Variants in TBC1D12 observed in about 807,000 individuals in gnomAD.
The protein encoded by TBC1D12 is TBC1 domain family, member 12.
In TBC1D12, 56 loss-of-function variants were observed where a neutral mutation model predicts 86.7. The ratio of observed to expected loss-of-function variants is 0.65; its 90% confidence interval spans 0.52 to 0.81. The LOEUF (loss-of-function observed/expected upper bound fraction) is 0.81. Among genes scored for constraint, TBC1D12 ranks in the 30% least tolerant of loss-of-function variants. TBC1D12 has a pLI of 0.00. For missense variants in TBC1D12, 1,023 were observed against 1,038.8 expected (o/e 0.98, Z 0.21); for synonymous variants, 421 against 411.7 (o/e 1.02, Z -0.27).
intron 2 of TBC1D12, among the ~76,000 whole-genome samples, chr10:94,442,701 G>T (rs562878472): frequency 6.6e-6 from 1 of 152,126 alleles, no homozygotes; most frequent in Non-Finnish European, 1.5e-5. Context: ...AGAAGTTATT[G>T]CTCAGAAGAA....
intron 6 of TBC1D12, among the ~76,000 whole-genome samples, chr10:94,504,500 T>G (rs7087798): frequency 0.69 from 104,656 of 152,060 alleles, 36,717 homozygotes; most frequent in East Asian, 0.83. Context: ...TTGGATTGAA[T>G]TACATTTATT....
At chr10:94,472,204 G>C (rs1378469009) in intron 2 of TBC1D12, among the ~76,000 whole-genome samples, 2 of 152,126 alleles carry the variant, frequency 1.3e-5, no homozygotes, top group African/African-American at 4.8e-5. Context: ...AGGAGTTCAA[G>C]AACAGCCTTG....
chr10:94,495,484 A>G (rs2056303578), intron 4 of TBC1D12, among the ~76,000 whole-genome samples: 1 of 152,180 alleles, frequency 6.6e-6, no homozygotes, highest in South Asian at 2.1e-4. Flanking sequence ...TTAAGTTTTT[A>G]TTAATTTTAA....
At chr10:94,447,070 A>C (rs560071061) in intron 2 of TBC1D12, among the ~76,000 whole-genome samples, 26 of 151,876 alleles carry the variant, frequency 1.7e-4, no homozygotes, top group South Asian at 8.3e-4. Flanking sequence ...AAAAAAAAAA[A>C]AAAAAACCTT....
intron 2 of TBC1D12, among the ~76,000 whole-genome samples, chr10:94,447,111 C>T (rs11187954): frequency 0.024 from 3,535 of 147,786 alleles, 136 homozygotes; most frequent in African/African-American, 0.08. Context: ...ACAAATAACA[C>T]ATGATTATAT....
intron 2 of TBC1D12, among the ~76,000 whole-genome samples, chr10:94,457,768 C>T (rs1014039653): frequency 1.3e-5 from 2 of 152,050 alleles, no homozygotes; most frequent in Admixed American, 1.3e-4. Flanking sequence ...CCATTTTCTC[C>T]CATTTCTTAG....
intron 1 of TBC1D12, among the ~76,000 whole-genome samples, chr10:94,441,040 G>A (rs1195241193): frequency 6.6e-6 from 1 of 151,990 alleles, no homozygotes; most frequent in Non-Finnish European, 1.5e-5. Context: ...AGTAGAGACA[G>A]GGTTTCACCA....
chr10:94,463,770 G>T (rs1383598047), intron 2 of TBC1D12, among the ~76,000 whole-genome samples: 1 of 152,194 alleles, frequency 6.6e-6, no homozygotes, highest in African/African-American at 2.4e-5. Flanking sequence ...TTTTGCAGAT[G>T]TTGAATGAAA....
intron 1 of TBC1D12, among the ~76,000 whole-genome samples, chr10:94,409,559 A>G (rs377556827): frequency 2.6e-5 from 4 of 152,028 alleles, no homozygotes; most frequent in East Asian, 3.9e-4. Context: ...TATTTTTTAT[A>G]GAGACAGGGT....
chr10:94,467,648 TC>T (rs1032706889), intron 2 of TBC1D12, among the ~76,000 whole-genome samples: 77 of 127,206 alleles, frequency 6.1e-4, no homozygotes, highest in Non-Finnish European at 1.2e-3. Flanking sequence ...ATCTGGCCAC[TC>T]CCCCTCTTTT....
chr10:94,440,183 T>C (rs2055359158), intron 1 of TBC1D12, among the ~76,000 whole-genome samples: 1 of 152,098 alleles, frequency 6.6e-6, no homozygotes, highest in Non-Finnish European at 1.5e-5. Flanking sequence ...TTCTTTTTTT[T>C]TTTGGAGGCA....
At chr10:94,521,244 AAAAAC>A (rs1253817009) in intron 9 of TBC1D12, among the ~76,000 whole-genome samples, 1 of 151,594 alleles carries the variant, frequency 6.6e-6, no homozygotes, top group Non-Finnish European at 1.5e-5. Context: ...AAAACAAAAA[AAAAAC>A]AGGAGAAGAA....
intron 9 of TBC1D12, among the ~76,000 whole-genome samples, chr10:94,513,127 A>G (rs1215065068): frequency 6.6e-6 from 1 of 151,972 alleles, no homozygotes; most frequent in Admixed American, 6.6e-5. Flanking sequence ...CGCGCCTGTT[A>G]TCCCAGCTAC....
intron 3 of TBC1D12, among the ~76,000 whole-genome samples, chr10:94,476,241 G>A (rs972451939): frequency 6.6e-6 from 1 of 151,806 alleles, no homozygotes; most frequent in Admixed American, 6.6e-5. Context: ...CCAAATAGAA[G>A]AGCATAGAAT....
Position 94,532,989 on chromosome 10 carries a change from A to G in TBC1D12, c.2260-39A>G, listed in dbSNP as rs368337599. The G allele has an allele frequency of 4.2e-5, 49 of 1,154,512 alleles. No homozygotes were observed. In the African/African-American group the frequency reaches 6.6e-4, roughly 15 times the overall value. The allele number at this position is 1,154,512 out of a possible 1,614,324, so 71.5% of individuals were successfully genotyped here. A position where few individuals can be genotyped will look rare whatever the true frequency, so the allele number is the denominator to read the frequency against. ...TTTAAATCTCTTTAATCTGGGTGGT[A>G]GTTTTTGAGGATTAATCTTTATTTT... On this transcript the variant is annotated intron_variant, in intron 12 of 12. Coordinates refer to ENST00000225235, the MANE Select transcript of TBC1D12 (RefSeq NM_015188.2).
intron 5 of TBC1D12, among the ~76,000 whole-genome samples, chr10:94,499,987 AT>A (rs977358183): frequency 6.6e-6 from 1 of 152,180 alleles, no homozygotes; most frequent in African/African-American, 2.4e-5. Flanking sequence ...ATTGACATTT[AT>A]AAAACGCAGT....
In TBC1D12 at chr10:94,479,715, T is replaced by A. The variant is rs186322960; in HGVS notation, c.1211+4932T>A. The stretch of plus-strand genomic sequence containing the variant: ...GATGTGAGGACTAAACTCCATGGAT[T>A]TTAAATGTGGTTGGAGTTTGTGATG... On this transcript the variant is annotated intron_variant, in intron 3 of 12. Transcript: ENST00000225235. Among the ~76,000 whole-genome samples the A allele has an allele frequency of 5.9e-5, 9 of 152,256 alleles. No individual in the cohort carries two copies. The East Asian group carries it at 1.7e-3, about 29-fold the overall frequency.
At chr10:94,470,410 G>A (rs1307633721) in intron 2 of TBC1D12, among the ~76,000 whole-genome samples, 1 of 151,956 alleles carries the variant, frequency 6.6e-6, no homozygotes, top group Non-Finnish European at 1.5e-5. Context: ...TGTCACCCAG[G>A]CTGGAGTGCA....
At position 94,533,711 on chromosome 10, in the gene TBC1D12, T is replaced by C. The variant is rs556169752; in HGVS notation, c.*615T>C. The C allele has an allele frequency of 6.6e-6, 1 of 152,324 alleles. No individual in the cohort carries two copies. The highest frequency in any genetic ancestry group is 1.9e-4 in the East Asian group (1 of 5,190). 9.4% of individuals were successfully genotyped at this position (152,324 alleles called of 1,614,324 possible). The stretch of plus-strand genomic sequence containing the variant: ...GTTTTTCCATAGTATGGTGTCCATT[T>C]GTTTTTTAAGGGAAATTTTTTGTCT... On this transcript the variant is annotated 3_prime_UTR_variant, in exon 13 of 13. Transcript: ENST00000225235.
Sources: allele counts gnomAD v4.1 joint callset (sites outside exome capture counted in the v4.1 genomes callset), GRCh38; gene constraint gnomAD v4.1.1; transcripts MANE v1.5; gene names NCBI Gene and HGNC (gene_info 2026-07-23, HGNC 2026-07-21).